Variants in RPRD1A observed in about 807,000 individuals in gnomAD.
RPRD1A encodes regulation of nuclear pre-mRNA domain containing 1A.
In RPRD1A, 9 loss-of-function variants were observed where a neutral mutation model predicts 37.8. The ratio of observed to expected loss-of-function variants is 0.24; its 90% CI spans 0.14 to 0.42. The LOEUF (loss-of-function observed/expected upper bound fraction) is 0.42, where lower values mean the gene tolerates loss of function less well. Among genes scored for constraint, RPRD1A ranks in the 10% least tolerant of loss-of-function variants. The pLI is 1.00. For missense variants in RPRD1A, 255 were observed against 371.0 expected (o/e 0.69, Z 2.57); for synonymous variants, 138 against 139.7 (o/e 0.99, Z 0.08).
At chr18:36,010,401 G>A (rs1263771188) in intron 6 of RPRD1A, among the ~76,000 whole-genome samples, 3 of 152,164 alleles carry the variant, frequency 2.0e-5, no homozygotes, top group Admixed American at 6.5e-5. Context: ...GCTGAGGTGG[G>A]AGGATTGCTT....
At chr18:36,052,101 C>G (rs1913437648) in intron 1 of RPRD1A, among the ~76,000 whole-genome samples, 1 of 151,096 alleles carries the variant, frequency 6.6e-6, no homozygotes, top group Non-Finnish European at 1.5e-5. Context: ...AACCCAATTT[C>G]TCATCAGAAA....
At chr18:36,009,267 A>T (rs968318745) in intron 6 of RPRD1A, among the ~76,000 whole-genome samples, 2 of 151,646 alleles carry the variant, frequency 1.3e-5, no homozygotes, top group Non-Finnish European at 2.9e-5. Context: ...TATCTCAATC[A>T]CTCCTGGCCC....
chr18:36,036,631 T>G (rs1883246290), intron 1 of RPRD1A, among the ~76,000 whole-genome samples: 1 of 152,096 alleles, frequency 6.6e-6, no homozygotes, highest in Non-Finnish European at 1.5e-5. Flanking sequence ...TTCCCTAAAT[T>G]TTCAGGGAAA....
At chr18:36,054,122 T>C (rs1172000784) in intron 1 of RPRD1A, among the ~76,000 whole-genome samples, 3 of 152,192 alleles carry the variant, frequency 2.0e-5, no homozygotes, top group Admixed American at 6.5e-5. Context: ...TCAGCATATT[T>C]ATGACAGAAA....
At position 36,052,335 on chromosome 18, in the gene RPRD1A, T is replaced by C. The variant is rs376574225; in HGVS notation, c.151+14919A>G. On this transcript the variant is annotated intron_variant, in intron 1 of 6. Coordinates refer to ENST00000399022, the MANE Select transcript of RPRD1A (RefSeq NM_018170.5). Reference sequence around the variant, plus strand: ...CAGGATGAAATTAAAGGATACTAGATAGATAGTAACTAGAAGCCATAAGAA... The same window carrying C: ...CAGGATGAAATTAAAGGATACTAGACAGATAGTAACTAGAAGCCATAAGAA... Among the ~76,000 whole-genome samples, 6 of 151,796 alleles carry C rather than the reference T, an allele frequency of 4.0e-5. No homozygotes were observed. The East Asian group carries it at 5.8e-4, about 15-fold the overall frequency.
At chr18:36,044,470 C>G (rs996241112) in intron 1 of RPRD1A, among the ~76,000 whole-genome samples, 2 of 151,994 alleles carry the variant, frequency 1.3e-5, no homozygotes, top group African/African-American at 4.8e-5. Context: ...GGTGGATCAC[C>G]AGAGGACATG....
At chr18:36,034,246 A>C (rs1348378686) in intron 1 of RPRD1A, among the ~76,000 whole-genome samples, 1 of 152,232 alleles carries the variant, frequency 6.6e-6, no homozygotes, top group Non-Finnish European at 1.5e-5. Context: ...ATGAAATGTA[A>C]AACAGGTTGA....
At chr18:36,062,372 C>G (rs902344464) in intron 1 of RPRD1A, among the ~76,000 whole-genome samples, 5 of 146,752 alleles carry the variant, frequency 3.4e-5, no homozygotes, top group African/African-American at 1.0e-4. Flanking sequence ...TGGAAAATAG[C>G]CTGGTGGATC....
chr18:36,010,969 T>G (rs1433560218), intron 6 of RPRD1A, among the ~76,000 whole-genome samples: 1 of 152,190 alleles, frequency 6.6e-6, no homozygotes, highest in Non-Finnish European at 1.5e-5. Flanking sequence ...ACACTTCCTC[T>G]TTGGGAGGAC....
intron 1 of RPRD1A, among the ~76,000 whole-genome samples, chr18:36,062,339 A>AAAAAC (rs1308993435): frequency 4.7e-5 from 7 of 150,376 alleles, no homozygotes; most frequent in African/African-American, 1.7e-4. Flanking sequence ...AAAAAAAAAA[A>AAAAAC]AAAAAAAAAC....
At chr18:36,017,846 T>C (rs892037461) in intron 6 of RPRD1A, among the ~76,000 whole-genome samples, 3 of 152,242 alleles carry the variant, frequency 2.0e-5, no homozygotes, top group Non-Finnish European at 4.4e-5. Flanking sequence ...GTTTCATCTG[T>C]AGCTCCCGCT....
intron 1 of RPRD1A, among the ~76,000 whole-genome samples, chr18:36,056,573 C>G (rs543564690): frequency 1.3e-5 from 2 of 152,264 alleles, no homozygotes; most frequent in East Asian, 3.9e-4. Context: ...CAGGTGTGAG[C>G]CACCATGCCC....
rs537606624 is a variant in RPRD1A, at chr18:36,062,113, C to A, written c.151+5141G>T. Among the ~76,000 whole-genome samples the A allele has an allele frequency of 1.8e-3, 270 of 151,020 alleles. 1 individual carries two copies. Among genetic ancestry groups the A allele is most frequent in the Non-Finnish European group, 2.6e-3 (175 of 67,802 alleles). On this transcript the variant is annotated intron_variant, in intron 1 of 6. Transcript: ENST00000399022. ...CGGGTGGATCATGAGGTCAGGAGAT[C>A]GAGACCATCCTGGCTAACAAGGTGA...
intron 6 of RPRD1A, among the ~76,000 whole-genome samples, chr18:36,020,731 G>T (rs974390089): frequency 6.6e-6 from 1 of 152,104 alleles, no homozygotes; most frequent in Non-Finnish European, 1.5e-5. Flanking sequence ...TTGGGAGGCT[G>T]AGGCAGGAGG....
In RPRD1A at chr18:36,057,552, C is replaced by T. The variant is rs150508387; in HGVS notation, c.151+9702G>A. Among the ~76,000 whole-genome samples the T allele has an allele frequency of 3.2e-3, 489 of 152,270 alleles. 2 individuals are homozygous for T. Among genetic ancestry groups the T allele is most frequent in the Middle Eastern group, 6.8e-3 (2 of 294 alleles). ...GCTTAAGCCCAGGAGGCAGAGGTTG[C>T]TGTGAGTTGAGATCATGCCACTGCA... On this transcript the variant is annotated intron_variant, in intron 1 of 6. Coordinates refer to ENST00000399022, the MANE Select transcript of RPRD1A (RefSeq NM_018170.5).
At chr18:36,033,984 C>T in intron 1 of RPRD1A, 147 bp from the exon 2 acceptor site, 1 of 595,346 alleles carries the variant, frequency 1.7e-6, no homozygotes, top group Non-Finnish European at 2.7e-6. Context: ...ATTTTACTAC[C>T]AAACTAACCA....
chr18:36,061,556 A>G (rs2088911221), intron 1 of RPRD1A, among the ~76,000 whole-genome samples: 1 of 152,204 alleles, frequency 6.6e-6, no homozygotes. Flanking sequence ...TTGGTTTCTA[A>G]GTTCAGGTAT....
At chr18:36,011,733 A>G (rs1910190322) in intron 6 of RPRD1A, among the ~76,000 whole-genome samples, 1 of 152,154 alleles carries the variant, frequency 6.6e-6, no homozygotes, top group South Asian at 2.1e-4. Flanking sequence ...ACCTTCCACA[A>G]ACAAAAAAGC....
At chr18:36,033,306 A>C (rs1411863373) in intron 2 of RPRD1A, among the ~76,000 whole-genome samples, 13,879 of 143,814 alleles carry the variant, frequency 0.097, 863 homozygotes, top group East Asian at 0.2. Context: ...TCTCAAAAAA[A>C]AAAAAAAAAA....
Sources: allele counts gnomAD v4.1 joint callset (sites outside exome capture counted in the v4.1 genomes callset), GRCh38; gene constraint gnomAD v4.1.1; transcripts MANE v1.5; gene names NCBI Gene and HGNC (gene_info 2026-07-23, HGNC 2026-07-21).